HIVEP2: variants seen among roughly 807,000 people sequenced by gnomAD.
HIVEP2 encodes transcription factor HIVEP2.
In HIVEP2, 14 loss-of-function variants were observed where a neutral mutation model predicts 180.7. The ratio of observed to expected loss-of-function variants is 0.08; its 90% CI spans 0.05 to 0.12. The LOEUF is 0.12. Ranked by LOEUF, HIVEP2 falls within the 10% of genes least tolerant of loss-of-function variation. The probability of loss-of-function intolerance (pLI) is 1.00; values close to 1 mark genes in which losing one functional copy is unlikely to be tolerated. For missense variants in HIVEP2, 2,579 were observed against 3,008.5 expected, an observed-to-expected ratio of 0.86 and a Z score of 3.34; for synonymous variants, 1,184 against 1,136.4, an observed-to-expected ratio of 1.04 and a Z score of -0.84.
rs991878069 is a variant in HIVEP2 at position 142,894,643 on chromosome 6, G to A, written c.-641+50456C>T. Among the ~76,000 whole-genome samples, 7 of 152,202 alleles carry A rather than the reference G, an allele frequency of 4.6e-5. No homozygotes were observed. In the East Asian group the frequency reaches 5.8e-4, roughly 13 times the overall value. The stretch of plus-strand genomic sequence containing the variant: ...AGATCACATTTATTGAGTGTCCAGC[G>A]TGTCTTGCAGTGCTCCAAGTGCTTT... On this transcript the variant is annotated intron_variant, in intron 1 of 9. Coordinates refer to ENST00000367603, the MANE Select transcript of HIVEP2 (RefSeq NM_006734.4).
chr6:142,835,044 C>CA (rs1293389924), intron 2 of HIVEP2, among the ~76,000 whole-genome samples: 2 of 152,128 alleles, frequency 1.3e-5, no homozygotes, highest in Non-Finnish European at 2.9e-5. Context: ...GCTAAAGAAT[C>CA]AGTCACGTGA....
chr6:142,772,256 T>G lies in HIVEP2; in HGVS notation c.2483A>C (p.Asp828Ala). 1 of 1,614,236 alleles carries G rather than the reference T, an allele frequency of 6.2e-7. No homozygotes were observed. Residue 828 changes from aspartate to alanine, a missense_variant, in exon 5 of 10, where the codon GAT (aspartate) becomes GCT (alanine). Physicochemically the swap from Asp to Ala is moderately radical, Grantham distance 126 (BLOSUM62 -2). Around this residue, in one of 11 missense-constraint regions of HIVEP2, gnomAD observed 524 missense variants for 563.6 expected, o/e 0.93. Transcript: ENST00000367603. The surrounding 1 kb of genome is among the most constrained non-coding windows in gnomAD (Gnocchi z 4.9). ...ESAELVACTQ[D>A]KAPSPSETCD... ...AGTCTCTGAAGGGGAAGGGGCTTTA[T>G]CCTGTGTGCAAGCCACAAGTTCGGC...
chr6:142,759,790 T>C lies in HIVEP2; in HGVS notation c.6498A>G (p.Pro2166=), dbSNP rs776694178. The C allele has an allele frequency of 8.7e-6, 14 of 1,604,684 alleles. No individual in the cohort carries two copies. Among genetic ancestry groups the C allele is most frequent in the Non-Finnish European group, 8.5e-6 (10 of 1,176,948 alleles). ...LSMGQYLQAE[P]IVLGPPNLRR... ...TACTTACAGGAGGCCCCAATACAAT[T>C]GGCTCTGCTTGCAAATACTGTCCCA... The change falls in exon 9 of 10, where the codon CCA becomes CCG. Residue 2166 remains proline (P), a synonymous_variant. Coordinates refer to ENST00000367603, the MANE Select transcript of HIVEP2 (RefSeq NM_006734.4).
intron 1 of HIVEP2, among the ~76,000 whole-genome samples, chr6:142,852,035 G>A (rs1000590056): frequency 1.3e-5 from 2 of 152,036 alleles, no homozygotes; most frequent in Non-Finnish European, 2.9e-5. Context: ...ATTTACTTTG[G>A]CAATAAAAAG....
chr6:142,815,303 G>A (rs1776805044), intron 2 of HIVEP2, among the ~76,000 whole-genome samples: 1 of 152,148 alleles, frequency 6.6e-6, no homozygotes, highest in African/African-American at 2.4e-5. Flanking sequence ...TTGGGGGACA[G>A]AATCAATGAT....
At chr6:142,826,818 A>T (rs973939012) in intron 2 of HIVEP2, among the ~76,000 whole-genome samples, 1 of 152,232 alleles carries the variant, frequency 6.6e-6, no homozygotes, top group African/African-American at 2.4e-5. Context: ...CTCATAAAAC[A>T]GGAGAGCTGA....
chr6:142,825,520 T>C (rs1774864235), intron 2 of HIVEP2, among the ~76,000 whole-genome samples: 1 of 152,178 alleles, frequency 6.6e-6, no homozygotes, highest in Non-Finnish European at 1.5e-5. Context: ...TATTATTCAA[T>C]TTAGAAATCT....
At chr6:142,833,047 A>G (rs1174590487) in intron 2 of HIVEP2, among the ~76,000 whole-genome samples, 1 of 152,186 alleles carries the variant, frequency 6.6e-6, no homozygotes, top group Non-Finnish European at 1.5e-5. Context: ...CAACATTTGA[A>G]CACTGCCAGT....
At chr6:142,823,647 G>A (rs1777101285) in intron 2 of HIVEP2, among the ~76,000 whole-genome samples, 1 of 152,202 alleles carries the variant, frequency 6.6e-6, no homozygotes, top group Non-Finnish European at 1.5e-5. Context: ...TTCTAGAATC[G>A]TTAATAATTA....
At chr6:142,754,846 G>T (rs955728061) in intron 9 of HIVEP2, among the ~76,000 whole-genome samples, 16 of 152,140 alleles carry the variant, frequency 1.1e-4, no homozygotes, top group Non-Finnish European at 1.8e-4. Context: ...TGAAAATGGA[G>T]AATTTATTTT....
intron 2 of HIVEP2, among the ~76,000 whole-genome samples, chr6:142,829,639 A>G (rs1775023168): frequency 6.6e-6 from 1 of 152,252 alleles, no homozygotes; most frequent in South Asian, 2.1e-4. Context: ...CCTCCACAGC[A>G]CCAAAACACT....
Position 142,772,578 on chromosome 6 carries a change from C to T in HIVEP2, c.2161G>A (p.Val721Met), listed in dbSNP as rs1263863100. Residue 721 changes from valine to methionine, a missense_variant, in exon 5 of 10, where the codon GTG (valine) becomes ATG (methionine). Physicochemically the swap from Val to Met is conservative, Grantham distance 21. Transcript: ENST00000367603. This position sits in a 1 kb window ranked among gnomAD's most constrained non-coding sequence, Gnocchi z 4.9. The stretch of plus-strand genomic sequence containing the variant: ...TCATAATCGGAAGCCATGATGCCCA[C>T]AGGAGTGCTTACAATGCTGCTGCAG... Reference protein sequence around the residue: ...MICSSIVSTPVGIMASDYDPK... With the variant: ...MICSSIVSTPMGIMASDYDPK... 5.0e-6 allele frequency: 8 copies of T among 1,614,236 alleles called. No individual in the cohort carries two copies. Among genetic ancestry groups the T allele is most frequent in the African/African-American group, 1.3e-5 (1 of 75,076 alleles).
At chr6:142,789,674 A>C (rs536160126) in intron 2 of HIVEP2, among the ~76,000 whole-genome samples, 1 of 152,230 alleles carries the variant, frequency 6.6e-6, no homozygotes, top group East Asian at 1.9e-4. Context: ...TAAACTGTCA[A>C]GTCAATTATT....
intron 2 of HIVEP2, among the ~76,000 whole-genome samples, chr6:142,795,876 C>T (rs1422549232): frequency 6.6e-6 from 1 of 152,074 alleles, no homozygotes; most frequent in Non-Finnish European, 1.5e-5. Context: ...TTTCCATTGG[C>T]GGTACATGGA....
chr6:142,934,396 A>T (rs2128439501), intron 1 of HIVEP2, among the ~76,000 whole-genome samples: 1 of 152,334 alleles, frequency 6.6e-6, no homozygotes, highest in East Asian at 1.9e-4. Context: ...GTGGGGTCAG[A>T]GTTTCAAGTC....
Position 142,752,732 on chromosome 6 carries a change from A to T in HIVEP2, c.*375T>A, listed in dbSNP as rs1774952802. 1 of 194,018 alleles carries T rather than the reference A, an allele frequency of 5.2e-6. No homozygotes were observed. The highest frequency in any genetic ancestry group is 2.4e-5 in the African/African-American group (1 of 42,286). 12.0% of individuals were successfully genotyped at this position (194,018 alleles called of 1,614,324 possible). A position where few individuals can be genotyped will look rare whatever the true frequency, so the allele number is the denominator to read the frequency against. ...ATATATATTGATGCTGTTTTGCTTTACATCATTTAGATCCAAGTGTCCAAA... is the reference window on the plus strand; with the variant it reads ...ATATATATTGATGCTGTTTTGCTTTTCATCATTTAGATCCAAGTGTCCAAA... On this transcript the variant is annotated 3_prime_UTR_variant, in exon 10 of 10. Transcript: ENST00000367603.
chr6:142,929,262 A>C (rs1230882508), intron 1 of HIVEP2, among the ~76,000 whole-genome samples: 2 of 152,188 alleles, frequency 1.3e-5, no homozygotes, highest in Non-Finnish European at 2.9e-5. Context: ...TCTCTGGTCT[A>C]TACCTAGTTG....
chr6:142,934,637 C>A (rs1343746325), intron 1 of HIVEP2, among the ~76,000 whole-genome samples: 2 of 152,110 alleles, frequency 1.3e-5, no homozygotes, highest in Admixed American at 1.3e-4. Flanking sequence ...TAAGCATCAG[C>A]AGAAGAAAGA....
chr6:142,917,132 T>G (rs6931965), intron 1 of HIVEP2, among the ~76,000 whole-genome samples: 8,592 of 152,258 alleles, frequency 0.056, 809 homozygotes, highest in African/African-American at 0.19. Context: ...AGGTGATTAG[T>G]TGATAACTTC....
Sources: gnomAD v4.1 joint callset for allele counts (sites outside exome capture counted in the v4.1 genomes callset) on GRCh38, gnomAD v4.1.1 for gene constraint, gnomAD v4.1.1 regional missense constraint, Gnocchi (gnomAD v3.1) non-coding constraint, MANE v1.5 for transcripts, NCBI Gene and HGNC (gene_info 2026-07-23, HGNC 2026-07-21) for gene names.